Variants in DESI2 observed in about 807,000 individuals in gnomAD.
The protein encoded by DESI2 is deubiquitinase DESI2.
Under a neutral mutation model 24.1 loss-of-function variants are expected in DESI2, and 10 were observed. The observed-to-expected ratio is 0.41, with a 90% CI of 0.26 to 0.70. DESI2 has a LOEUF of 0.70. Among genes scored for constraint, DESI2 ranks in the 30% least tolerant of loss-of-function variants. DESI2 has a pLI of 0.29. For missense variants in DESI2, 122 were observed against 234.9 expected (o/e 0.52, Z 3.14); for synonymous variants, 71 against 87.7 (o/e 0.81, Z 1.06).
intron 1 of DESI2, among the ~76,000 whole-genome samples, chr1:244,665,609 G>C (rs1402066152): frequency 1.3e-5 from 2 of 152,166 alleles, no homozygotes; most frequent in East Asian, 3.8e-4. Flanking sequence ...TTGCTGCTAA[G>C]GTGCTTTTTA....
chr1:244,686,828 A>G (rs1390242922), intron 2 of DESI2, among the ~76,000 whole-genome samples, 159 bp downstream of exon 2: 2 of 152,196 alleles, frequency 1.3e-5, no homozygotes, highest in African/African-American at 2.4e-5. Flanking sequence ...TGCGTTTTGG[A>G]AAAATGCCCA....
chr1:244,701,283 C>T (rs896892660), intron 4 of DESI2, among the ~76,000 whole-genome samples: 1 of 141,088 alleles, frequency 7.1e-6, no homozygotes, highest in Non-Finnish European at 1.5e-5. Flanking sequence ...TGGATCATCT[C>T]AACCATCTCG....
intron 1 of DESI2, among the ~76,000 whole-genome samples, chr1:244,668,411 C>T (rs1676123159): frequency 6.6e-6 from 1 of 152,216 alleles, no homozygotes; most frequent in African/African-American, 2.4e-5. Context: ...CTAGTCACAA[C>T]TGATATGGGG....
Position 244,675,384 on chromosome 1 carries a change from T to C in DESI2, c.43-11213T>C, listed in dbSNP as rs566791850. Among the ~76,000 whole-genome samples the C allele has an allele frequency of 6.6e-5, 10 of 152,342 alleles. No homozygotes were observed. In the South Asian group the frequency reaches 1.7e-3, roughly 25 times the overall value. On this transcript the variant is annotated intron_variant, in intron 1 of 4. Coordinates refer to ENST00000302550, the MANE Select transcript of DESI2 (RefSeq NM_016076.5). ...TGCGTAATCCAAGATCATGAAGATATGCTTCTCTTCCAAGAGTTTATAATT... is the reference window on the plus strand; with the variant it reads ...TGCGTAATCCAAGATCATGAAGATACGCTTCTCTTCCAAGAGTTTATAATT...
chr1:244,676,237 C>T (rs760207489), intron 1 of DESI2, among the ~76,000 whole-genome samples: 3 of 151,896 alleles, frequency 2.0e-5, no homozygotes, highest in African/African-American at 4.8e-5. Flanking sequence ...CCACCACACC[C>T]GGCTCATTTT....
At chr1:244,705,456 C>T (rs1677657023) in intron 4 of DESI2, 100 bp from the exon 5 acceptor site, 6 of 943,934 alleles carry the variant, frequency 6.4e-6, no homozygotes, top group Non-Finnish European at 1.0e-5. Flanking sequence ...GCCGTGGCTT[C>T]TCTGTACGCC....
chr1:244,659,464 T>C (rs1477968210), intron 1 of DESI2, among the ~76,000 whole-genome samples: 3 of 152,190 alleles, frequency 2.0e-5, no homozygotes, highest in Non-Finnish European at 4.4e-5. Context: ...AGAATTCAGT[T>C]GCTTATATTT....
chr1:244,659,963 G>C (rs1675781714), intron 1 of DESI2, among the ~76,000 whole-genome samples: 1 of 152,198 alleles, frequency 6.6e-6, no homozygotes. Context: ...GATGCCAGTA[G>C]GGTCCAAGCG....
At chr1:244,675,802 A>G (rs1010676145) in intron 1 of DESI2, among the ~76,000 whole-genome samples, 5 of 152,192 alleles carry the variant, frequency 3.3e-5, no homozygotes, top group Non-Finnish European at 7.3e-5. Context: ...TTCTGCAAAA[A>G]ATGGCAGCTG....
chr1:244,666,154 T>C (rs1392573238), intron 1 of DESI2, among the ~76,000 whole-genome samples: 1 of 152,154 alleles, frequency 6.6e-6, no homozygotes, highest in East Asian at 1.9e-4. Flanking sequence ...ACTCTCAGCT[T>C]ATTTTCAGAG....
intron 2 of DESI2, among the ~76,000 whole-genome samples, chr1:244,687,135 T>C (rs1676853484): frequency 6.6e-6 from 1 of 152,246 alleles, no homozygotes; most frequent in African/African-American, 2.4e-5. Flanking sequence ...TGTAGACCTA[T>C]ACGTCTTATA....
At chr1:244,673,017 T>C (rs998733688) in intron 1 of DESI2, among the ~76,000 whole-genome samples, 18 of 152,324 alleles carry the variant, frequency 1.2e-4, no homozygotes, top group African/African-American at 4.1e-4. Context: ...TTTTTTGTTT[T>C]GGTTTGGTTT....
chr1:244,679,140 GTAA>G (rs1191917450), intron 1 of DESI2, among the ~76,000 whole-genome samples: 4 of 152,048 alleles, frequency 2.6e-5, no homozygotes, highest in African/African-American at 9.7e-5. Context: ...CTGGGCTCAG[GTAA>G]TCAATCCTCC....
chr1:244,703,011 T>TTTTTC (rs1329620962), intron 4 of DESI2, among the ~76,000 whole-genome samples: 2 of 151,246 alleles, frequency 1.3e-5, no homozygotes, highest in Non-Finnish European at 2.9e-5. Context: ...TTTTTTTTTT[T>TTTTTC]TTTTTGGTGA....
At chr1:244,653,573 A>C in intron 1 of DESI2, 1 of 531,244 alleles carries the variant, frequency 1.9e-6, no homozygotes. Context: ...GTTTTGGCCA[A>C]AGCTCGGGTG....
chr1:244,698,160 T>C (rs1424705906), intron 4 of DESI2, among the ~76,000 whole-genome samples: 9 of 152,234 alleles, frequency 5.9e-5, no homozygotes, highest in Non-Finnish European at 4.4e-5. Flanking sequence ...ATGTCGCAGA[T>C]GCGAGGGGGA....
At chr1:244,674,030 T>A (rs575808575) in intron 1 of DESI2, among the ~76,000 whole-genome samples, 11 of 150,284 alleles carry the variant, frequency 7.3e-5, no homozygotes, top group African/African-American at 2.2e-4. Context: ...AGTCTTGCTC[T>A]GTTGCCCAGG....
chr1:244,704,197 C>G (rs569705875), intron 4 of DESI2, among the ~76,000 whole-genome samples: 4 of 152,232 alleles, frequency 2.6e-5, no homozygotes, highest in African/African-American at 9.6e-5. Context: ...TAAATTTTAG[C>G]TAATTTTTAG....
intron 4 of DESI2, among the ~76,000 whole-genome samples, chr1:244,697,625 C>T (rs954527409): frequency 1.1e-4 from 16 of 152,054 alleles, no homozygotes; most frequent in African/African-American, 3.6e-4. Flanking sequence ...AGTTACCTGT[C>T]GAATTTCAAA....
Sources: gnomAD v4.1 joint callset for allele counts (sites outside exome capture counted in the v4.1 genomes callset) on GRCh38, gnomAD v4.1.1 for gene constraint, MANE v1.5 for transcripts, NCBI Gene and HGNC (gene_info 2026-07-23, HGNC 2026-07-21) for gene names.